Variants in ZMYND8 observed in about 807,000 individuals in gnomAD.
ZMYND8 encodes MYND-type zinc finger-containing chromatin reader ZMYND8.
ZMYND8 carries 37 observed loss-of-function variants against 140.8 expected under a neutral mutation model. The ratio of observed to expected loss-of-function variants is 0.26; its 90% CI spans 0.20 to 0.35. The LOEUF (loss-of-function observed/expected upper bound fraction) is 0.35. Among genes scored for constraint, ZMYND8 ranks in the 10% least tolerant of loss-of-function variants. ZMYND8 has a pLI of 1.00. For synonymous variants in ZMYND8, 592 were observed against 597.1 expected, an observed-to-expected ratio of 0.99 and a Z score of 0.12; for missense variants, 1,068 against 1,570.0, an observed-to-expected ratio of 0.68 and a Z score of 5.40.
At chr20:47,333,624 A>G (rs980529845) in intron 2 of ZMYND8, among the ~76,000 whole-genome samples, 8 of 149,056 alleles carry the variant, frequency 5.4e-5, no homozygotes, top group African/African-American at 1.7e-4. Context: ...TCCTCGGGAG[A>G]CTAAGGCAGG....
intron 17 of ZMYND8, among the ~76,000 whole-genome samples, chr20:47,228,025 G>A (rs1366976035): frequency 6.6e-6 from 1 of 151,858 alleles, no homozygotes; most frequent in Non-Finnish European, 1.5e-5. Flanking sequence ...CCCGGGAGGC[G>A]GAGGTTGCAG....
At chr20:47,313,096 T>C (rs1034971409) in intron 2 of ZMYND8, among the ~76,000 whole-genome samples, 8 of 151,978 alleles carry the variant, frequency 5.3e-5, no homozygotes, top group African/African-American at 1.7e-4. Context: ...CCGGACACAG[T>C]GTTCACACCT....
At chr20:47,309,724 G>A (rs901680098) in intron 3 of ZMYND8, among the ~76,000 whole-genome samples, 1 of 150,948 alleles carries the variant, frequency 6.6e-6, no homozygotes, top group Admixed American at 6.6e-5. Flanking sequence ...CCCAGGAGGG[G>A]AAAACTCCTC....
At chr20:47,317,004 C>T (rs778274616) in intron 2 of ZMYND8, among the ~76,000 whole-genome samples, 83 of 152,210 alleles carry the variant, frequency 5.5e-4, no homozygotes, top group Non-Finnish European at 1.1e-3. Context: ...AGTGGGACTC[C>T]GAGGGCCAGC....
At chr20:47,211,166 G>C (rs1359983494) in intron 22 of ZMYND8, among the ~76,000 whole-genome samples, 1 of 152,236 alleles carries the variant, frequency 6.6e-6, no homozygotes, top group Non-Finnish European at 1.5e-5. Context: ...AAAAGGTGCT[G>C]AACTGCCAAG....
At chr20:47,356,614 T>C in intron 1 of ZMYND8, 43 bp downstream of exon 1, 1 of 1,613,838 alleles carries the variant, frequency 6.2e-7, no homozygotes, top group Non-Finnish European at 8.5e-7. Context: ...TTCGGATGTC[T>C]CAGAGGGAGG....
intron 21 of ZMYND8, among the ~76,000 whole-genome samples, chr20:47,213,528 A>G (rs1471255406): frequency 2.6e-5 from 4 of 152,168 alleles, no homozygotes; most frequent in Admixed American, 2.6e-4. Context: ...GACAAGAGTG[A>G]GGCTTAACTG....
chr20:47,261,313 G>T (rs141578271), intron 12 of ZMYND8, among the ~76,000 whole-genome samples: 189 of 152,188 alleles, frequency 1.2e-3, no homozygotes, highest in African/African-American at 4.5e-3. Context: ...AAAGTGGGAG[G>T]ACTGCTTGAG....
At chr20:47,339,299 G>T (rs1357025836) in intron 2 of ZMYND8, among the ~76,000 whole-genome samples, 2 of 151,936 alleles carry the variant, frequency 1.3e-5, no homozygotes, top group Non-Finnish European at 2.9e-5. Context: ...CCCCCTCTAA[G>T]CAGGGGGTCT....
chr20:47,333,070 C>T (rs769386863), intron 2 of ZMYND8, among the ~76,000 whole-genome samples: 92 of 152,240 alleles, frequency 6.0e-4, no homozygotes, highest in Non-Finnish European at 1.0e-3. Context: ...AATGAGGTCA[C>T]ACACAGTGGC....
At chr20:47,319,057 C>T (rs756090744) in intron 2 of ZMYND8, 1 of 1,347,248 alleles carries the variant, frequency 7.4e-7, no homozygotes, top group Admixed American at 1.9e-5. Context: ...CCTCAGCGGC[C>T]TCTCCCAGGG....
At chr20:47,342,208 T>A (rs928220519) in intron 2 of ZMYND8, among the ~76,000 whole-genome samples, 3 of 151,662 alleles carry the variant, frequency 2.0e-5, no homozygotes, top group Non-Finnish European at 4.4e-5. Flanking sequence ...ACGAGCACAC[T>A]TAGTGCCCAC....
intron 21 of ZMYND8, among the ~76,000 whole-genome samples, chr20:47,218,847 C>T (rs2036505322): frequency 1.3e-5 from 2 of 152,074 alleles, no homozygotes; most frequent in East Asian, 1.9e-4. Context: ...TTAGGGAAAC[C>T]GTTCCCAGCC....
chr20:47,265,068 A>ATATATATATATATATATATATAT (rs1555948705), intron 11 of ZMYND8, among the ~76,000 whole-genome samples: 5 of 144,584 alleles, frequency 3.5e-5, no homozygotes, highest in Admixed American at 1.4e-4. Context: ...ATATATATAT[A>ATATATATATATATATATATATAT]GGCATTTTAA....
chr20:47,285,546 T>C (rs2076869816), intron 8 of ZMYND8: 1 of 418,834 alleles, frequency 2.4e-6, no homozygotes, highest in Non-Finnish European at 3.2e-6. Flanking sequence ...GGCACATATT[T>C]ACATATAGTT....
chr20:47,301,155 C>CTT (rs74178720), intron 3 of ZMYND8, among the ~76,000 whole-genome samples: 18 of 133,456 alleles, frequency 1.3e-4, no homozygotes, highest in Admixed American at 7.7e-4. Context: ...TTGCATAATT[C>CTT]TTTTTTTTTT....
At chr20:47,319,269 G>C (rs1390914954) in intron 2 of ZMYND8, 1 of 350,242 alleles carries the variant, frequency 2.9e-6, no homozygotes, top group Admixed American at 4.0e-5. Context: ...CGGCTGAGCT[G>C]AAAGTCTCCG....
chr20:47,309,153 C>T (rs994582868), intron 3 of ZMYND8, among the ~76,000 whole-genome samples: 1 of 152,130 alleles, frequency 6.6e-6, no homozygotes, highest in African/African-American at 2.4e-5. Flanking sequence ...AAGATCCAAA[C>T]GGTGAACGGA....
intron 2 of ZMYND8, among the ~76,000 whole-genome samples, chr20:47,325,690 G>C (rs545132178): frequency 1.7e-4 from 26 of 152,282 alleles, no homozygotes; most frequent in Non-Finnish European, 3.2e-4. Flanking sequence ...GGGCCATTCA[G>C]CTAAATGCAA....
Sources: gnomAD v4.1 joint callset for allele counts (sites outside exome capture counted in the v4.1 genomes callset) on GRCh38, gnomAD v4.1.1 for gene constraint, MANE v1.5 for transcripts, NCBI Gene and HGNC (gene_info 2026-07-23, HGNC 2026-07-21) for gene names.